Variants in SGCD observed in about 807,000 individuals in gnomAD.
SGCD encodes sarcoglycan delta.
Under a neutral mutation model 36.6 loss-of-function variants are expected in SGCD, and 18 were observed. That is an observed-to-expected ratio of 0.49 (90% confidence interval 0.34 to 0.73). The LOEUF is 0.73. Ranked by LOEUF, SGCD falls within the 30% of genes least tolerant of loss-of-function variation. The pLI, the probability that SGCD is intolerant of heterozygous loss-of-function variation, is 0.01. For synonymous variants in SGCD, 133 were observed against 130.6 expected, an observed-to-expected ratio of 1.02 and a Z score of -0.12; for missense variants, 387 against 346.7, an observed-to-expected ratio of 1.12 and a Z score of -0.92.
rs574197394 is a variant in SGCD at position 156,761,922 on chromosome 5, A to C, written c.*2532A>C. 1.3e-5 allele frequency: 2 copies of C among 152,372 alleles called. No homozygotes were observed. The highest frequency in any genetic ancestry group is 2.9e-5 in the Non-Finnish European group (2 of 68,038). 9.4% of individuals were successfully genotyped at this position (152,372 alleles called of 1,614,324 possible). A position where few individuals can be genotyped will look rare whatever the true frequency, so the allele number is the denominator to read the frequency against. On this transcript the variant is annotated 3_prime_UTR_variant, in exon 9 of 9. Coordinates refer to ENST00000337851, the MANE Select transcript of SGCD (RefSeq NM_000337.6). The stretch of plus-strand genomic sequence containing the variant: ...TAACATTCAATTTTTCATTTATGCT[A>C]AGTGACCACAGTATACAAAGTAATA...
chr5:156,070,058 C>A (rs990636752), intron 1 of SGCD, among the ~76,000 whole-genome samples: 3 of 151,536 alleles, frequency 2.0e-5, no homozygotes, highest in Admixed American at 6.6e-5. Context: ...TCTAGATATA[C>A]AATCATGTCA....
At chr5:156,545,054 T>G (rs1488725434) in intron 4 of SGCD, among the ~76,000 whole-genome samples, 5 of 152,214 alleles carry the variant, frequency 3.3e-5, no homozygotes, top group Admixed American at 1.3e-4. Flanking sequence ...GTGAAGAGGT[T>G]GTTCCAGACA....
intron 3 of SGCD, among the ~76,000 whole-genome samples, chr5:156,457,757 CAGTT>C (rs1261117984): frequency 1.3e-5 from 2 of 152,240 alleles, no homozygotes; most frequent in East Asian, 1.9e-4. Context: ...CCCTACTTCA[CAGTT>C]GGTTGGGAGA....
chr5:156,610,843 G>C (rs190666808), intron 6 of SGCD, among the ~76,000 whole-genome samples: 2 of 152,258 alleles, frequency 1.3e-5, no homozygotes, highest in Non-Finnish European at 2.9e-5. Flanking sequence ...CTCCAGGCCA[G>C]GCGCAGGATA....
intron 1 of SGCD, among the ~76,000 whole-genome samples, chr5:156,030,155 G>A (rs1759313508): frequency 6.6e-6 from 1 of 152,198 alleles, no homozygotes; most frequent in Admixed American, 6.5e-5. Context: ...CTTTCAAGGA[G>A]CTTACTCTTG....
At chr5:156,583,871 T>C (rs940542924) in intron 4 of SGCD, among the ~76,000 whole-genome samples, 1 of 152,230 alleles carries the variant, frequency 6.6e-6, no homozygotes, top group Non-Finnish European at 1.5e-5. Context: ...GTTTGGTAGA[T>C]AGTGTTGAGG....
the SGCD span, among the ~76,000 whole-genome samples, chr5:155,808,091 A>G: frequency 9.8e-5 from 15 of 152,298 alleles, no homozygotes; most frequent in African/African-American, 3.6e-4. Context: ...AGGAGTTCTG[A>G]GGGTTCTGCC....
At chr5:156,503,628 G>T (rs954489070) in intron 3 of SGCD, among the ~76,000 whole-genome samples, 58 of 152,232 alleles carry the variant, frequency 3.8e-4, no homozygotes, top group African/African-American at 1.3e-3. Context: ...AAACAGTTGA[G>T]TTCAAATTCC....
chr5:156,763,783 G>T lies in SGCD; in HGVS notation c.*4393G>T. 6.6e-6 allele frequency: 1 copy of T among 151,882 alleles called. No homozygotes were observed. Among genetic ancestry groups the T allele is most frequent in the African/African-American group, 2.4e-5 (1 of 41,420 alleles). The allele number at this position is 151,882 out of a possible 1,614,324, so 9.4% of individuals were successfully genotyped here. On this transcript the variant is annotated 3_prime_UTR_variant, in exon 9 of 9. Transcript: ENST00000337851. ...TATGAGTATCATGGTGGGGAGGAAG[G>T]AATTTTTTTTAAATGTAAATGACCC... is the stretch of plus-strand genomic sequence containing the variant.
At chr5:156,397,218 C>CT (rs891658538) in intron 3 of SGCD, among the ~76,000 whole-genome samples, 5 of 151,774 alleles carry the variant, frequency 3.3e-5, no homozygotes, top group South Asian at 2.1e-4. Flanking sequence ...TGAAAGAAAA[C>CT]TTTTTTTTTC....
intron 4 of SGCD, among the ~76,000 whole-genome samples, chr5:156,540,806 G>A (rs1758320560): frequency 1.3e-5 from 2 of 152,126 alleles, no homozygotes; most frequent in African/African-American, 4.8e-5. Context: ...TTGATGGCAG[G>A]CAATTGACCA....
chr5:156,145,470 G>T (rs1339321330), intron 3 of SGCD, among the ~76,000 whole-genome samples: 3 of 152,154 alleles, frequency 2.0e-5, no homozygotes, highest in Non-Finnish European at 4.4e-5. Context: ...CAAACTCAAA[G>T]TGAGGTCATA....
chr5:156,240,228 G>T (rs1455417011), intron 3 of SGCD, among the ~76,000 whole-genome samples: 1 of 152,120 alleles, frequency 6.6e-6, no homozygotes, highest in Non-Finnish European at 1.5e-5. Flanking sequence ...TGCAGTTTTT[G>T]CTTCTTTCCA....
chr5:156,356,146 A>G (rs4094450), intron 3 of SGCD, among the ~76,000 whole-genome samples: 62,265 of 152,046 alleles, frequency 0.41, 13,530 homozygotes, highest in East Asian at 0.79. Flanking sequence ...TACACAACAA[A>G]CTACCCCAAA....
the SGCD span, among the ~76,000 whole-genome samples, chr5:155,793,625 T>A: frequency 6.6e-6 from 1 of 151,674 alleles, no homozygotes; most frequent in African/African-American, 2.4e-5. Context: ...CACTGCAACC[T>A]CTACGTCCTG....
chr5:156,123,659 T>C (rs987655048), intron 2 of SGCD, among the ~76,000 whole-genome samples: 3 of 152,180 alleles, frequency 2.0e-5, no homozygotes, highest in African/African-American at 7.2e-5. Flanking sequence ...CTTGATATAC[T>C]ATGAAATTTT....
intron 1 of SGCD, among the ~76,000 whole-genome samples, chr5:155,881,323 T>TAAATAAAGAAAGAAAGAAAGAAAG: frequency 6.6e-6 from 1 of 151,518 alleles, no homozygotes; most frequent in African/African-American, 2.4e-5. Flanking sequence ...AATAAATAAA[T>TAAATAAAGAAAGAAAGAAAGAAAG]AAAGAATATA....
chr5:155,866,421 A>G (rs1755525643), upstream of SGCD, among the ~76,000 whole-genome samples: 1 of 152,174 alleles, frequency 6.6e-6, no homozygotes, highest in Admixed American at 6.6e-5. Context: ...GTGTTATTAT[A>G]AAAATGGTTT....
intron 7 of SGCD, among the ~76,000 whole-genome samples, chr5:156,677,689 A>AT (rs941581889): frequency 1.3e-5 from 2 of 152,062 alleles, no homozygotes; most frequent in African/African-American, 4.8e-5. Context: ...AAGTATATAG[A>AT]TAAAAAAAAA....
Sources: allele counts gnomAD v4.1 joint callset (sites outside exome capture counted in the v4.1 genomes callset), GRCh38; gene constraint gnomAD v4.1.1; transcripts MANE v1.5; gene names NCBI Gene and HGNC (gene_info 2026-07-23, HGNC 2026-07-21).